KCNH5: variants seen among roughly 807,000 people sequenced by gnomAD.
The protein encoded by KCNH5 is potassium voltage-gated channel subfamily H member 5, also known as voltage-gated delayed rectifier potassium channel KCNH5.
In KCNH5, 46 loss-of-function variants were observed where a neutral mutation model predicts 96.1. That is an observed-to-expected ratio of 0.48 (90% CI 0.38 to 0.61). The LOEUF is 0.61. Among genes scored for constraint, KCNH5 ranks in the 20% least tolerant of loss-of-function variants. The pLI is 0.00. For missense variants in KCNH5, 907 were observed against 1,225.8 expected (o/e 0.74, Z 3.88); for synonymous variants, 439 against 449.8 (o/e 0.98, Z 0.30).
At position 63,045,305 on chromosome 14, in the gene KCNH5, C is replaced by G; in HGVS notation, c.-119G>C. On this transcript the variant is annotated 5_prime_UTR_variant, in exon 1 of 11. Transcript: ENST00000322893. The stretch of plus-strand genomic sequence containing the variant: ...AAGATTGAGCCGAAAGAAGAGGGGG[C>G]GCGGCGGCGGCGACGGGGTCCCCTG... 1 of 826,036 alleles carries G rather than the reference C, an allele frequency of 1.2e-6. No individual in the cohort carries two copies. The highest frequency in any genetic ancestry group is 1.5e-5 in the South Asian group (1 of 66,814). 51.2% of individuals were successfully genotyped at this position (826,036 alleles called of 1,614,324 possible).
At chr14:62,750,259 T>C (rs143530609) in intron 10 of KCNH5, among the ~76,000 whole-genome samples, 1 of 152,164 alleles carries the variant, frequency 6.6e-6, no homozygotes, top group Non-Finnish European at 1.5e-5. Flanking sequence ...AAAAGCTTTT[T>C]TCCTATAAAA....
At chr14:63,002,344 C>T (rs1393069093) in intron 3 of KCNH5, among the ~76,000 whole-genome samples, 1 of 152,136 alleles carries the variant, frequency 6.6e-6, no homozygotes. Flanking sequence ...GAAATGCCTT[C>T]AAAGGTGTAA....
intron 8 of KCNH5, among the ~76,000 whole-genome samples, chr14:62,804,896 C>T (rs1886734808): frequency 6.6e-6 from 1 of 152,162 alleles, no homozygotes; most frequent in Non-Finnish European, 1.5e-5. Flanking sequence ...CTTAAACTCT[C>T]TACAAAAGCA....
At chr14:62,854,847 A>C (rs1887898652) in intron 7 of KCNH5, among the ~76,000 whole-genome samples, 2 of 150,474 alleles carry the variant, frequency 1.3e-5, no homozygotes, top group Admixed American at 6.6e-5. Context: ...GAAGATAATT[A>C]TGACACACAA....
rs989668745 is a variant in KCNH5 at position 62,744,424 on chromosome 14, G to A, written c.2019+35304C>T. 7.9e-5 allele frequency among the ~76,000 whole-genome samples: 12 copies of A among 152,174 alleles called. No individual in the cohort carries two copies. In the South Asian group the frequency reaches 1.7e-3, roughly 21 times the overall value. ...ATTATAATTATTCTCATTTAAAAAC[G>A]ACCAAATTGAAGCACAAGAGATTAA... On this transcript the variant is annotated intron_variant, in intron 10 of 10. Transcript: ENST00000322893.
chr14:62,876,729 A>C (rs542899131), intron 7 of KCNH5, among the ~76,000 whole-genome samples: 1 of 152,320 alleles, frequency 6.6e-6, no homozygotes, highest in African/African-American at 2.4e-5. Context: ...ATAAGGGTAA[A>C]TATGTAATCA....
At chr14:62,815,614 T>C (rs1207450551) in intron 8 of KCNH5, among the ~76,000 whole-genome samples, 2 of 152,054 alleles carry the variant, frequency 1.3e-5, no homozygotes, top group East Asian at 1.9e-4. Flanking sequence ...CTTAAATATA[T>C]GCAATTTTTG....
chr14:62,868,410 T>C (rs963000695), intron 7 of KCNH5, among the ~76,000 whole-genome samples: 2 of 152,220 alleles, frequency 1.3e-5, no homozygotes, highest in Admixed American at 6.5e-5. Flanking sequence ...ACCTATTAGG[T>C]TGGTGCAAAA....
At chr14:62,966,187 A>G (rs1265250791) in intron 6 of KCNH5, among the ~76,000 whole-genome samples, 2 of 152,212 alleles carry the variant, frequency 1.3e-5, no homozygotes, top group Non-Finnish European at 1.5e-5. Flanking sequence ...CTGAAAGTGC[A>G]CACTGGGCAT....
chr14:62,719,323 C>A (rs1342497612), intron 10 of KCNH5, among the ~76,000 whole-genome samples: 1 of 152,222 alleles, frequency 6.6e-6, no homozygotes, highest in Non-Finnish European at 1.5e-5. Context: ...CATGGCCCTG[C>A]ATATCTGCAC....
intron 1 of KCNH5, among the ~76,000 whole-genome samples, chr14:63,017,755 T>A (rs1891353174): frequency 6.6e-6 from 1 of 151,336 alleles, no homozygotes; most frequent in South Asian, 2.1e-4. Flanking sequence ...TATAAATAAT[T>A]TAAAAGTAAA....
Position 62,967,870 on chromosome 14 carries a change from C to T in KCNH5, c.942+13002G>A, listed in dbSNP as rs143931046. Among the ~76,000 whole-genome samples, 11 of 152,152 alleles carry T rather than the reference C, an allele frequency of 7.2e-5. No homozygotes were observed. The East Asian group carries it at 1.2e-3, about 16-fold the overall frequency. On this transcript the variant is annotated intron_variant, in intron 6 of 10. Coordinates refer to ENST00000322893, the MANE Select transcript of KCNH5 (RefSeq NM_139318.5). The stretch of plus-strand genomic sequence containing the variant: ...TCTTTGCCTCTATGTTAGAATCATC[C>T]CCTGATGCTTAACAATAGGAACAAT...
chr14:62,891,389 A>G (rs1164946338), intron 7 of KCNH5, among the ~76,000 whole-genome samples: 1 of 152,220 alleles, frequency 6.6e-6, no homozygotes, highest in Admixed American at 6.5e-5. Context: ...GAAACAGCAG[A>G]CACTGGGGTC....
At chr14:62,825,012 G>A (rs1887192968) in intron 8 of KCNH5, among the ~76,000 whole-genome samples, 1 of 151,922 alleles carries the variant, frequency 6.6e-6, no homozygotes, top group African/African-American at 2.4e-5. Context: ...CACCATTGAT[G>A]GGCACTTAGG....
intron 10 of KCNH5, 73 bp downstream of exon 10, chr14:62,779,655 C>T (rs1339062860): frequency 8.1e-7 from 1 of 1,230,560 alleles, no homozygotes; most frequent in African/African-American, 1.5e-5. Flanking sequence ...ATCTTCTCTA[C>T]TCTTCAGCTA....
chr14:62,826,599 TG>T (rs1887232615), intron 8 of KCNH5, among the ~76,000 whole-genome samples: 1 of 152,190 alleles, frequency 6.6e-6, no homozygotes, highest in Admixed American at 6.5e-5. Context: ...TTTTTTGTTC[TG>T]TTTTTTACTT....
intron 8 of KCNH5, among the ~76,000 whole-genome samples, chr14:62,824,322 A>G (rs1887176227): frequency 6.6e-6 from 1 of 152,052 alleles, no homozygotes; most frequent in African/African-American, 2.4e-5. Flanking sequence ...ATTCTTAAGC[A>G]CCACAGGTCA....
chr14:62,870,670 A>C (rs1288530548), intron 7 of KCNH5, among the ~76,000 whole-genome samples: 1 of 152,218 alleles, frequency 6.6e-6, no homozygotes, highest in East Asian at 1.9e-4. Flanking sequence ...AACCACTGGA[A>C]AATATAAGGC....
At chr14:62,984,094 A>C (rs1265786317) in intron 5 of KCNH5, among the ~76,000 whole-genome samples, 1 of 152,200 alleles carries the variant, frequency 6.6e-6, no homozygotes, top group Non-Finnish European at 1.5e-5. Flanking sequence ...TAAAACAGTA[A>C]CAGACTCTTC....
Sources: gnomAD v4.1 joint callset for allele counts (sites outside exome capture counted in the v4.1 genomes callset) on GRCh38, gnomAD v4.1.1 for gene constraint, MANE v1.5 for transcripts, NCBI Gene and HGNC (gene_info 2026-07-23, HGNC 2026-07-21) for gene names.